The following MCF2 variants were observed in gnomAD, a reference collection of about 807,000 sequenced individuals.
MCF2 encodes MCF.2 cell line derived transforming sequence, also known as proto-oncogene DBL.
In MCF2, 44 loss-of-function variants were observed where a neutral mutation model predicts 82.5. The observed-to-expected ratio is 0.53, with a 90% CI of 0.42 to 0.69. The LOEUF is 0.69. Ranked by LOEUF, MCF2 falls within the 30% of genes least tolerant of loss-of-function variation. MCF2 has a pLI of 0.00. For synonymous variants in MCF2, 217 were observed against 224.9 expected, an observed-to-expected ratio of 0.96 and a Z score of 0.32; for missense variants, 623 against 663.1, an observed-to-expected ratio of 0.94 and a Z score of 0.66.
chrX:139,649,912 C>CTAAATTTACTGACA (rs1244489579), intron 2 of MCF2, among the ~76,000 whole-genome samples: 2 of 111,784 alleles, frequency 1.8e-5, no homozygotes, highest in Non-Finnish European at 3.8e-5. Context: ...ACGTAACATA[C>CTAAATTTACTGACA]TGCTAAATTT....
intron 2 of MCF2, among the ~76,000 whole-genome samples, chrX:139,648,124 C>A (rs1359638621): frequency 8.9e-6 from 1 of 111,750 alleles, no homozygotes; most frequent in Non-Finnish European, 1.9e-5. Flanking sequence ...GTAACCCCAG[C>A]ACTTTGGGAG....
chrX:139,624,577 A>G (rs1316858887), intron 6 of MCF2, among the ~76,000 whole-genome samples: 6 of 110,768 alleles, frequency 5.4e-5, no homozygotes, highest in African/African-American at 2.0e-4. Context: ...TCAGAGTCAT[A>G]AAAGACAAAG....
chrX:139,623,104 A>G (rs1030718809), intron 6 of MCF2, among the ~76,000 whole-genome samples: 8 of 111,484 alleles, frequency 7.2e-5, no homozygotes, highest in African/African-American at 2.6e-4. Flanking sequence ...GAGGCTATGG[A>G]GAGAAGGGAA....
exon 25 of MCF2, chrX:139,582,124 T>C: frequency 3.8e-6 from 1 of 263,210 alleles, no homozygotes; most frequent in East Asian, 8.1e-5. Context: ...GCAGCCGTAA[T>C]TTTGACTTAA....
rs764145456 is a variant in MCF2, at chrX:139,613,283, C to T, written c.1363+1598G>A. ...CTCCCACTGCAGAAGGAAATTGTAA[C>T]GCCATTAAATAAGAATATCAGAAAA... On this transcript the variant is annotated intron_variant, in intron 10 of 24. Transcript: ENST00000370576. 21 of 1,101,948 alleles carry T rather than the reference C, an allele frequency of 1.9e-5. No individual in the cohort carries two copies. Among genetic ancestry groups the T allele is most frequent in the Non-Finnish European group, 2.4e-5 (20 of 821,457 alleles). 90.8% of individuals were successfully genotyped at this position (1,101,948 alleles called of 1,213,427 possible).
intron 1 of MCF2, among the ~76,000 whole-genome samples, chrX:139,665,832 T>C (rs1934493885): frequency 9.6e-6 from 1 of 104,659 alleles, no homozygotes; most frequent in African/African-American, 3.4e-5. Context: ...TGTTTTCATG[T>C]GTTTTTTATA....
Position 139,590,202 on chromosome X carries a change from C to A in MCF2, c.2278-275G>T, listed in dbSNP as rs3117075. On this transcript the variant is annotated intron_variant, in intron 19 of 24. Coordinates refer to ENST00000370576, the Ensembl canonical transcript of MCF2. ...AACATCCAAGTAGCCCATCTAAGATCTAATTATGTTATAAATTAATAGTAC... is the reference window on the plus strand; with the variant it reads ...AACATCCAAGTAGCCCATCTAAGATATAATTATGTTATAAATTAATAGTAC... Among the ~76,000 whole-genome samples, 3,306 of 110,928 alleles carry A rather than the reference C, an allele frequency of 0.03. 109 individuals carry two copies. The highest frequency in any genetic ancestry group is 0.1 in the African/African-American group (3,080 of 30,540).
At chrX:139,657,027 G>T (rs773292546) in intron 1 of MCF2, among the ~76,000 whole-genome samples, 27 of 111,699 alleles carry the variant, frequency 2.4e-4, no homozygotes, top group Non-Finnish European at 4.3e-4. Flanking sequence ...AGCCCAAAAA[G>T]GAGCTGACTT....
upstream of MCF2, among the ~76,000 whole-genome samples, chrX:139,643,022 T>C (rs897504141): frequency 8.9e-6 from 1 of 111,994 alleles, no homozygotes; most frequent in Non-Finnish European, 1.9e-5. Context: ...AAATTTCAAT[T>C]CTGTTTTGTT....
intron 1 of MCF2, among the ~76,000 whole-genome samples, chrX:139,636,743 G>A (rs1428596689): frequency 8.9e-6 from 1 of 111,873 alleles, no homozygotes; most frequent in Non-Finnish European, 1.9e-5. Context: ...GAAAATCACC[G>A]TCTGCAAGAT....
At chrX:139,584,664 T>A (rs1928793917) in intron 24 of MCF2, among the ~76,000 whole-genome samples, 1 of 112,095 alleles carries the variant, frequency 8.9e-6, no homozygotes, top group Non-Finnish European at 1.9e-5. Flanking sequence ...AAATCGTTTT[T>A]AATGTATAAT....
chrX:139,597,180 G>A (rs1930171983), intron 18 of MCF2, among the ~76,000 whole-genome samples: 1 of 111,127 alleles, frequency 9.0e-6, no homozygotes, highest in South Asian at 3.8e-4. Context: ...CAGCAATTAT[G>A]GAGCAATACG....
chrX:139,607,090 A>G (rs988676394), intron 12 of MCF2: 1 of 110,712 alleles, frequency 9.0e-6, no homozygotes, highest in Admixed American at 9.6e-5. Context: ...TTGATGTACC[A>G]CTCTATTCAT....
At position 139,650,229 on chromosome X, in the gene MCF2, C is replaced by A. The variant is rs751081550; in HGVS notation, c.25+1491G>T. Among the ~76,000 whole-genome samples the A allele has an allele frequency of 6.3e-5, 7 of 111,582 alleles. No homozygotes were observed. The East Asian group carries it at 1.7e-3, about 27-fold the overall frequency. ...ATTAGCTAGGCGTGGTGGCACACTC[C>A]TATAGTTCCAGTGACTCAGGAGGCT... On this transcript the variant is annotated intron_variant, in intron 2 of 27. Transcript: ENST00000414978.
chrX:139,690,787 CT>C (rs1025644937), intron 1 of MCF2, among the ~76,000 whole-genome samples: 3 of 111,940 alleles, frequency 2.7e-5, no homozygotes, highest in African/African-American at 9.8e-5. Context: ...CACTGCAAGG[CT>C]TAGAACCTAC....
At chrX:139,616,403 T>C in exon 9 of MCF2, 1 of 1,183,476 alleles carries the variant, frequency 8.4e-7, no homozygotes. Flanking sequence ...CTGAGCATCT[T>C]CTTTAGACTG....
chrX:139,608,933 G>A (rs1931271824), intron 11 of MCF2, among the ~76,000 whole-genome samples: 1 of 111,771 alleles, frequency 8.9e-6, no homozygotes, highest in African/African-American at 3.2e-5. Flanking sequence ...TCGTGTATCA[G>A]TATAGACCAT....
chrX:139,638,119 A>C (rs1033706678), intron 1 of MCF2, among the ~76,000 whole-genome samples: 5 of 111,802 alleles, frequency 4.5e-5, no homozygotes. Flanking sequence ...TAAGCCACTA[A>C]GTTTGTAGTA....
chrX:139,593,606 T>A (rs1929734058), intron 19 of MCF2, among the ~76,000 whole-genome samples: 1 of 110,957 alleles, frequency 9.0e-6, no homozygotes, highest in African/African-American at 3.3e-5. Flanking sequence ...TAGACCAATA[T>A]CCTTGATGAA....
Sources: allele counts gnomAD v4.1 joint callset (sites outside exome capture counted in the v4.1 genomes callset), GRCh38; gene constraint gnomAD v4.1.1; transcripts MANE v1.5; gene names NCBI Gene and HGNC (gene_info 2026-07-23, HGNC 2026-07-21).